Variants in MCPH1 observed in about 807,000 individuals in gnomAD.
MCPH1 encodes the protein microcephalin.
MCPH1 carries 104 observed loss-of-function variants against 84.5 expected under a neutral mutation model. That is an observed-to-expected ratio of 1.23 (90% confidence interval 1.05 to 1.45). MCPH1 has a LOEUF of 1.45. MCPH1 is among the 40% of genes most tolerant of loss of function. The pLI is 0.00. For synonymous variants in MCPH1, 514 were observed against 366.8 expected (o/e 1.40, Z -4.58); for missense variants, 1,498 against 1,005.7 (o/e 1.49, Z -6.62).
chr8:6,492,940 G>A (rs1196575654), intron 11 of MCPH1, among the ~76,000 whole-genome samples: 10 of 152,070 alleles, frequency 6.6e-5, no homozygotes, highest in Non-Finnish European at 1.5e-5. Context: ...GGCTATGGCA[G>A]AGTCAAGTGC....
At chr8:6,427,305 A>T (rs1187310115) in intron 3 of MCPH1, among the ~76,000 whole-genome samples, 1 of 152,182 alleles carries the variant, frequency 6.6e-6, no homozygotes, top group Non-Finnish European at 1.5e-5. Flanking sequence ...AGTACTATGG[A>T]CTTTATACAC....
intron 12 of MCPH1, among the ~76,000 whole-genome samples, chr8:6,586,366 T>C (rs1827981391): frequency 6.6e-6 from 1 of 152,302 alleles, no homozygotes; most frequent in Non-Finnish European, 1.5e-5. Context: ...ATATACACCC[T>C]CTTACCTGCC....
At chr8:6,425,624 C>G (rs1487109559) in intron 3 of MCPH1, among the ~76,000 whole-genome samples, 1 of 152,224 alleles carries the variant, frequency 6.6e-6, no homozygotes, top group African/African-American at 2.4e-5. Context: ...GAACAGAACA[C>G]ATCTTCCACA....
chr8:6,448,400 AG>A lies in MCPH1; in HGVS notation c.1825+2857del, dbSNP rs1804686259. Among the ~76,000 whole-genome samples, 7 of 152,174 alleles carry A rather than the reference AG, an allele frequency of 4.6e-5. No individual in the cohort carries two copies. In the South Asian group the frequency reaches 8.3e-4, roughly 18 times the overall value. On this transcript the variant is annotated intron_variant, in intron 8 of 13. Coordinates refer to ENST00000344683, the MANE Select transcript of MCPH1 (RefSeq NM_024596.5). ...CTGAGCTGCAGGAAGGAGGTTGGAG[AG>A]GGGTAAGAGCCAGAGCTTTGGGACC...
At chr8:6,412,365 C>G (rs952764792) in intron 2 of MCPH1, among the ~76,000 whole-genome samples, 1 of 152,210 alleles carries the variant, frequency 6.6e-6, no homozygotes, top group Non-Finnish European at 1.5e-5. Context: ...GATCTTAGAT[C>G]TTTTAGAACT....
At chr8:6,629,279 A>C (rs753813588) in intron 13 of MCPH1, among the ~76,000 whole-genome samples, 20 of 152,310 alleles carry the variant, frequency 1.3e-4, no homozygotes, top group Admixed American at 3.3e-4. Context: ...TGTGTCCAAC[A>C]TGGTGAAACC....
At chr8:6,453,156 G>A (rs902891670) in intron 8 of MCPH1, among the ~76,000 whole-genome samples, 13 of 152,218 alleles carry the variant, frequency 8.5e-5, no homozygotes, top group Admixed American at 7.9e-4. Context: ...TCAGGAAGAG[G>A]AGGGTAGGTG....
rs1253356498 is a variant in MCPH1 at position 6,409,193 on chromosome 8, C to G, written c.23-86C>G. On this transcript the variant is annotated intron_variant, in intron 1 of 13. Coordinates refer to ENST00000344683, the MANE Select transcript of MCPH1 (RefSeq NM_024596.5). ...GAGCCACTGTGCCGGCCTCGGTTTA[C>G]TCTTAAATGTAAATAGAACAAAATC... 2.5e-6 allele frequency: 3 copies of G among 1,182,994 alleles called. No homozygotes were observed. In the East Asian group the frequency reaches 7.1e-5, roughly 28 times the overall value. 73.3% of individuals were successfully genotyped at this position (1,182,994 alleles called of 1,614,324 possible). A position where few individuals can be genotyped will look rare whatever the true frequency, so the allele number is the denominator to read the frequency against.
chr8:6,577,926 C>T (rs1827243913), intron 12 of MCPH1, among the ~76,000 whole-genome samples: 1 of 152,200 alleles, frequency 6.6e-6, no homozygotes, highest in Admixed American at 6.5e-5. Context: ...AGGTCAAACC[C>T]TTCCGAGATG....
intron 12 of MCPH1, among the ~76,000 whole-genome samples, chr8:6,573,067 A>C (rs1826794475): frequency 6.6e-6 from 1 of 152,254 alleles, no homozygotes; most frequent in Non-Finnish European, 1.5e-5. Flanking sequence ...AGACCACGGA[A>C]GTTAAAATAA....
At chr8:6,423,792 G>T (rs1255622649) in intron 3 of MCPH1, among the ~76,000 whole-genome samples, 1 of 152,096 alleles carries the variant, frequency 6.6e-6, no homozygotes, top group Non-Finnish European at 1.5e-5. Context: ...GAGTGTACTG[G>T]TTTCCATTCT....
At chr8:6,539,471 A>G (rs1821129672) in intron 12 of MCPH1, among the ~76,000 whole-genome samples, 1 of 152,138 alleles carries the variant, frequency 6.6e-6, no homozygotes, top group South Asian at 2.1e-4. Flanking sequence ...CTTAGGGAGC[A>G]CACTTGCCTT....
At chr8:6,553,921 A>G (rs937059012) in intron 12 of MCPH1, among the ~76,000 whole-genome samples, 19 of 152,072 alleles carry the variant, frequency 1.2e-4, no homozygotes, top group African/African-American at 3.6e-4. Flanking sequence ...AACTACCAAG[A>G]TATGGTTTGG....
rs146078856 is a variant in MCPH1, at chr8:6,514,253, G to C, written c.2214+14324G>C. Among the ~76,000 whole-genome samples the C allele has an allele frequency of 3.6e-3, 541 of 152,272 alleles. 1 individual carries two copies. The highest frequency in any genetic ancestry group is 0.012 in the African/African-American group (519 of 41,536). On this transcript the variant is annotated intron_variant, in intron 12 of 13. Transcript: ENST00000344683. The stretch of plus-strand genomic sequence containing the variant: ...TGCCCAGGCTGGAGTGCAGTGGTGT[G>C]ATCTTGGCTGACTGCACCCTCTGCC...
At chr8:6,425,566 A>G (rs1281406823) in intron 3 of MCPH1, among the ~76,000 whole-genome samples, 1 of 152,204 alleles carries the variant, frequency 6.6e-6, no homozygotes, top group Non-Finnish European at 1.5e-5. Context: ...TGTGCACCTT[A>G]CATCTTATCA....
chr8:6,636,663 G>A (rs927743033), intron 13 of MCPH1, among the ~76,000 whole-genome samples: 1 of 152,136 alleles, frequency 6.6e-6, no homozygotes, highest in African/African-American at 2.4e-5. Flanking sequence ...TCTATGCACA[G>A]AACTATTTAA....
intron 12 of MCPH1, among the ~76,000 whole-genome samples, chr8:6,572,868 C>G (rs1372627342): frequency 6.6e-6 from 1 of 152,236 alleles, no homozygotes; most frequent in Non-Finnish European, 1.5e-5. Flanking sequence ...GGAAGCCTCC[C>G]AAACCACGTA....
chr8:6,640,090 G>GTGTGTA (rs1797839026), intron 13 of MCPH1, among the ~76,000 whole-genome samples: 1 of 145,912 alleles, frequency 6.9e-6, no homozygotes, highest in Non-Finnish European at 1.5e-5. Flanking sequence ...GTGTGTGTGT[G>GTGTGTA]TGTGTGTGCG....
At chr8:6,543,933 TA>T (rs1255904992) in intron 12 of MCPH1, among the ~76,000 whole-genome samples, 1 of 152,226 alleles carries the variant, frequency 6.6e-6, no homozygotes, top group Non-Finnish European at 1.5e-5. Flanking sequence ...ACAGATTATT[TA>T]ACGGGGCTAT....
Sources: gnomAD v4.1 joint callset for allele counts (sites outside exome capture counted in the v4.1 genomes callset) on GRCh38, gnomAD v4.1.1 for gene constraint, MANE v1.5 for transcripts, NCBI Gene and HGNC (gene_info 2026-07-23, HGNC 2026-07-21) for gene names.